Variants in ADAMTS14 observed in about 807,000 individuals in gnomAD.
ADAMTS14 encodes the protein ADAM metallopeptidase with thrombospondin type 1 motif 14, also known as A disintegrin and metalloproteinase with thrombospondin motifs 14.
Under a neutral mutation model 128.6 loss-of-function variants are expected in ADAMTS14, and 100 were observed. That is an observed-to-expected ratio of 0.78 (90% CI 0.66 to 0.92). ADAMTS14 has a LOEUF of 0.92. Ranked by LOEUF, ADAMTS14 falls within the 40% of genes least tolerant of loss-of-function variation. The pLI is 0.00. For missense variants in ADAMTS14, 1,562 were observed against 1,658.6 expected (o/e 0.94, Z 1.01); for synonymous variants, 665 against 653.8 (o/e 1.02, Z -0.26).
chr10:70,713,037 G>A (rs1185994873), intron 4 of ADAMTS14, among the ~76,000 whole-genome samples: 4 of 152,162 alleles, frequency 2.6e-5, no homozygotes, highest in Non-Finnish European at 5.9e-5. Context: ...GGGCAGTGGC[G>A]GGGGTGAGTT....
intron 4 of ADAMTS14, among the ~76,000 whole-genome samples, chr10:70,725,271 A>G (rs1841392006): frequency 6.6e-6 from 1 of 152,136 alleles, no homozygotes; most frequent in Non-Finnish European, 1.5e-5. Flanking sequence ...AGGACGTGGA[A>G]GGGAAGGCTG....
intron 2 of ADAMTS14, among the ~76,000 whole-genome samples, chr10:70,687,965 A>ACCC (rs1258101292): frequency 6.9e-5 from 2 of 29,132 alleles, no homozygotes; most frequent in Admixed American, 4.4e-4. Flanking sequence ...CGGGGGGCTG[A>ACCC]CCCCCCCCCC....
At chr10:70,722,862 A>C (rs920103740) in intron 4 of ADAMTS14, among the ~76,000 whole-genome samples, 2 of 152,248 alleles carry the variant, frequency 1.3e-5, no homozygotes, top group African/African-American at 4.8e-5. Context: ...CATGCAGAGT[A>C]ATTCCAGTTT....
rs762401589 is a variant in ADAMTS14, at chr10:70,744,160, G to A, written c.2153G>A (p.Gly718Glu). 4.4e-5 allele frequency: 68 copies of A among 1,544,896 alleles called. No individual in the cohort carries two copies. The highest frequency in any genetic ancestry group is 5.6e-5 in the Non-Finnish European group (64 of 1,141,454). ...GDNSHCRTVK[G>E]TLGKASKQAG... ...AACTCCCACTGCAGGACTGTGAAGG[G>A]GACGCTGGGCAAGGCCTCCAAGCAG... is the stretch of plus-strand genomic sequence containing the variant. Residue 718 changes from glycine to glutamate, a missense_variant, in exon 14 of 22, where the codon GGG becomes GAG. Transcript: ENST00000373207.
intron 3 of ADAMTS14, among the ~76,000 whole-genome samples, chr10:70,708,164 A>G (rs1333791531): frequency 2.6e-5 from 4 of 152,158 alleles, no homozygotes; most frequent in South Asian, 2.1e-4. Context: ...CAGTAGCCCC[A>G]TGACTTTTCT....
intron 4 of ADAMTS14, among the ~76,000 whole-genome samples, chr10:70,717,359 G>C (rs1841088431): frequency 6.6e-6 from 1 of 152,150 alleles, no homozygotes; most frequent in Admixed American, 6.5e-5. Context: ...AGAGGGGAGG[G>C]CATGTGGGCC....
At chr10:70,745,136 C>A in intron 14 of ADAMTS14, 90 bp from the exon 15 acceptor site, 1 of 1,201,780 alleles carries the variant, frequency 8.3e-7, no homozygotes, top group Non-Finnish European at 1.2e-6. Context: ...ATGAGATGTT[C>A]CTGGGTGCCC....
chr10:70,727,133 G>A (rs890631837), intron 4 of ADAMTS14, among the ~76,000 whole-genome samples: 6 of 152,212 alleles, frequency 3.9e-5, no homozygotes, highest in South Asian at 2.1e-4. Flanking sequence ...TGGGCACTGC[G>A]GAAAGTGGCT....
chr10:70,751,709 G>T, intron 17 of ADAMTS14, 63 bp downstream of exon 17: 1 of 1,567,288 alleles, frequency 6.4e-7, no homozygotes, highest in Non-Finnish European at 8.7e-7. Flanking sequence ...GAGAGGCAGG[G>T]GTGGGGGACT....
chr10:70,744,399 T>C lies in ADAMTS14; in HGVS notation c.2182+210T>C, dbSNP rs1054190912. On this transcript the variant is annotated intron_variant, in intron 14 of 21. Transcript: ENST00000373207. ...CTTTCAGGCAAGCTCCTCCCTGAGT[T>C]TGGGGCCCAGGAGCTCCAAGAGACA... Among the ~76,000 whole-genome samples the C allele has an allele frequency of 6.6e-5, 10 of 152,288 alleles. No homozygotes were observed. In the East Asian group the frequency reaches 1.7e-3, roughly 27 times the overall value.
At chr10:70,749,608 A>AGTGTGTGTGTGTGT (rs72483126) in intron 15 of ADAMTS14, among the ~76,000 whole-genome samples, 49 of 147,872 alleles carry the variant, frequency 3.3e-4, no homozygotes, top group Admixed American at 4.0e-4. Context: ...AGGCAGCAAG[A>AGTGTGTGTGTGTGT]GTGTGTGTGT....
chr10:70,706,155 C>T (rs72814558), intron 3 of ADAMTS14, among the ~76,000 whole-genome samples: 2,194 of 152,144 alleles, frequency 0.014, 27 homozygotes, highest in Non-Finnish European at 0.024. Flanking sequence ...TGGCTGGAGC[C>T]CCCCCACAGC....
At chr10:70,705,231 C>T (rs77029755) in intron 3 of ADAMTS14, among the ~76,000 whole-genome samples, 3,642 of 152,298 alleles carry the variant, frequency 0.024, 57 homozygotes, top group Non-Finnish European at 0.03. Context: ...CGCGGCCCTG[C>T]CTTGGCCCCT....
intron 6 of ADAMTS14, 24 bp downstream of exon 6, chr10:70,730,273 A>C: frequency 6.2e-7 from 1 of 1,608,966 alleles, no homozygotes. Flanking sequence ...TGTATTTGCC[A>C]TGGCCAGGTG....
chr10:70,760,239 G>A, intron 21 of ADAMTS14, 121 bp from the exon 22 acceptor site: 2 of 1,331,368 alleles, frequency 1.5e-6, no homozygotes, highest in Non-Finnish European at 2.0e-6. Flanking sequence ...AAGCTTTATA[G>A]TGGGTCCAGC....
At chr10:70,706,741 T>C (rs181059577) in intron 3 of ADAMTS14, among the ~76,000 whole-genome samples, 3 of 152,326 alleles carry the variant, frequency 2.0e-5, no homozygotes, top group African/African-American at 4.8e-5. Context: ...GCTTTGTTCC[T>C]TTGCACTATA....
intron 2 of ADAMTS14, among the ~76,000 whole-genome samples, chr10:70,675,574 T>C (rs1355114553): frequency 2.0e-5 from 3 of 152,154 alleles, no homozygotes; most frequent in Non-Finnish European, 4.4e-5. Flanking sequence ...TTCTCCTCCC[T>C]GTCTCTCCTC....
intron 4 of ADAMTS14, among the ~76,000 whole-genome samples, chr10:70,709,499 T>TTTG (rs1554817615): frequency 1.2e-5 from 1 of 83,278 alleles, no homozygotes; most frequent in African/African-American, 3.5e-5. Context: ...TTTCCAGTTT[T>TTTG]TTTTTTTTTT....
intron 15 of ADAMTS14, among the ~76,000 whole-genome samples, chr10:70,747,050 C>T (rs1425330170): frequency 1.3e-5 from 2 of 152,192 alleles, no homozygotes; most frequent in Non-Finnish European, 2.9e-5. Context: ...GCTCACATCA[C>T]ACACAAATGC....
Sources: gnomAD v4.1 joint callset for allele counts (sites outside exome capture counted in the v4.1 genomes callset) on GRCh38, gnomAD v4.1.1 for gene constraint, MANE v1.5 for transcripts, NCBI Gene and HGNC (gene_info 2026-07-23, HGNC 2026-07-21) for gene names.